Variants in RNF213 observed in about 807,000 individuals in gnomAD.
RNF213 encodes the protein ring finger protein 213, also known as E3 ubiquitin-protein ligase RNF213.
RNF213 carries 341 observed loss-of-function variants against 514.4 expected under a neutral mutation model. The ratio of observed to expected loss-of-function variants is 0.66; its 90% CI spans 0.61 to 0.73. The LOEUF is 0.73. Among genes scored for constraint, RNF213 ranks in the 30% least tolerant of loss-of-function variants. The probability of loss-of-function intolerance (pLI) is 0.00; values close to 1 mark genes in which losing one functional copy is unlikely to be tolerated. For synonymous variants in RNF213, 2,655 were observed against 2,658.2 expected (o/e 1.00, Z 0.04); for missense variants, 5,767 against 6,615.6 (o/e 0.87, Z 4.45).
chr17:80,292,052 T>G, intron 8 of RNF213: 1 of 607,130 alleles, frequency 1.6e-6, no homozygotes, highest in Non-Finnish European at 2.9e-6. Flanking sequence ...TCAGTGTGAC[T>G]TACCTACTCA....
chr17:80,378,724 C>T (rs72851478), intron 54 of RNF213, among the ~76,000 whole-genome samples: 22,610 of 152,108 alleles, frequency 0.15, 1,874 homozygotes, highest in Non-Finnish European at 0.19. Context: ...GAAATGAGGA[C>T]GCTGAAATAG....
intron 8 of RNF213, 181 bp downstream of exon 8, chr17:80,292,008 G>A: frequency 5.7e-6 from 4 of 698,652 alleles, no homozygotes; most frequent in East Asian, 2.7e-5. Flanking sequence ...TGTGTCTCTG[G>A]TTGGTTAAAG....
chr17:80,322,151 C>T (rs1455089179), intron 17 of RNF213, among the ~76,000 whole-genome samples: 1 of 49,014 alleles, frequency 2.0e-5, no homozygotes, highest in Admixed American at 1.9e-4. Flanking sequence ...CTCATCCCCC[C>T]CACCCCCCCT....
chr17:80,386,561 C>A, intron 62 of RNF213, 129 bp from the exon 63 acceptor site: 2 of 1,399,480 alleles, frequency 1.4e-6, no homozygotes, highest in Non-Finnish European at 2.0e-6. Flanking sequence ...CCACCAGTGA[C>A]CCGCCCCATA....
rs145299917 is a variant in RNF213 at position 80,300,625 on chromosome 17, C to T, written c.2210+2107C>T. On this transcript the variant is annotated intron_variant, in intron 11 of 67. Coordinates refer to ENST00000582970, the MANE Select transcript of RNF213 (RefSeq NM_001256071.3). ...CTGGATTGCAGTGGCACAATCTCAGCTCACTGTAACCTCTGCCTCCCAGGT... is the reference window on the plus strand; with the variant it reads ...CTGGATTGCAGTGGCACAATCTCAGTTCACTGTAACCTCTGCCTCCCAGGT... Among the ~76,000 whole-genome samples, 768 of 152,210 alleles carry T rather than the reference C, an allele frequency of 5.0e-3. 8 individuals carry two copies. Among genetic ancestry groups the T allele is most frequent in the African/African-American group, 0.015 (607 of 41,526 alleles).
chr17:80,295,229 C>T (rs867337728), intron 9 of RNF213, among the ~76,000 whole-genome samples: 17 of 152,238 alleles, frequency 1.1e-4, no homozygotes, highest in African/African-American at 4.1e-4. Flanking sequence ...GTCCTGAGTC[C>T]TCCCCTGGCC....
chr17:80,339,525 C>T lies in RNF213; in HGVS notation c.5158C>T (p.Pro1720Ser), dbSNP rs1164126418. ...CCTGAGCACTGAGCTCAGGAAGCAG[C>T]CCCCGAGTGATGCCGCCCTAACGAT... ...VYLSTELRKQPPSDAALTMLS... is the reference protein window; with the variant it reads ...VYLSTELRKQSPSDAALTMLS... The change falls in exon 26 of 68, where the codon CCC becomes TCC. Residue 1720 changes from proline to serine, a missense_variant. Coordinates refer to ENST00000582970, the MANE Select transcript of RNF213 (RefSeq NM_001256071.3). 6.5e-7 allele frequency: 1 copy of T among 1,537,156 alleles called. No individual in the cohort carries two copies. The highest frequency in any genetic ancestry group is 8.7e-7 in the Non-Finnish European group (1 of 1,146,852).
rs2080173198 is a variant in RNF213, at chr17:80,384,941, T to C, written c.14323-98T>C. The C allele has an allele frequency of 1.0e-5, 13 of 1,298,850 alleles. No homozygotes were observed. The South Asian group carries it at 1.4e-4, about 14-fold the overall frequency. 80.5% of individuals were successfully genotyped at this position (1,298,850 alleles called of 1,614,324 possible). ...GGAAATGACACTGACCAGATTAAGC[T>C]ACAAATACAAGTCTCGCAGCCAGTC... is the stretch of plus-strand genomic sequence containing the variant. On this transcript the variant is annotated intron_variant, in intron 59 of 67. Coordinates refer to ENST00000582970, the MANE Select transcript of RNF213 (RefSeq NM_001256071.3).
chr17:80,277,440 A>G (rs1460117865), intron 3 of RNF213, among the ~76,000 whole-genome samples: 1 of 152,038 alleles, frequency 6.6e-6, no homozygotes, highest in African/African-American at 2.4e-5. Context: ...TCTACTAAAA[A>G]TACAAAAAGT....
intron 3 of RNF213, among the ~76,000 whole-genome samples, chr17:80,274,929 T>A (rs1291392941): frequency 1.7e-5 from 1 of 57,448 alleles, no homozygotes; most frequent in Non-Finnish European, 3.2e-5. Context: ...GTGAGTGGGG[T>A]GTGTGTGTTG....
At chr17:80,376,228 G>C in intron 51 of RNF213, 73 bp from the exon 52 acceptor site, 2 of 1,528,076 alleles carry the variant, frequency 1.3e-6, no homozygotes, top group Non-Finnish European at 1.8e-6. Flanking sequence ...TGTATTTGGT[G>C]TCAGTGTATG....
At chr17:80,392,257 T>C (rs2080505219) in intron 67 of RNF213, among the ~76,000 whole-genome samples, 1 of 152,240 alleles carries the variant, frequency 6.6e-6, no homozygotes, top group Non-Finnish European at 1.5e-5. Flanking sequence ...ATTTATGTTC[T>C]TTCAACTTTT....
At position 80,298,367 on chromosome 17, in the gene RNF213, A is replaced by G; in HGVS notation, c.2059A>G (p.Arg687Gly). ...CCTGTGCCAAAGATGCATGGACACA[A>G]GGACGTACACCTGGCTGGGCGCCCT... ...VNLCQRCMDTRTYTWLGALPV... is the reference protein window; with the variant it reads ...VNLCQRCMDTGTYTWLGALPV... Residue 687 changes from arginine to glycine, a missense_variant, in exon 11 of 68, where the codon AGG becomes GGG. Physicochemically the swap from Arg to Gly is moderately radical, Grantham distance 125. Coordinates refer to ENST00000582970, the MANE Select transcript of RNF213 (RefSeq NM_001256071.3). The G allele has an allele frequency of 6.2e-7, 1 of 1,614,180 alleles. No individual in the cohort carries two copies. The highest frequency in any genetic ancestry group is 8.5e-7 in the Non-Finnish European group (1 of 1,180,038).
intron 31 of RNF213, 54 bp downstream of exon 31, chr17:80,350,450 A>C: frequency 8.7e-7 from 1 of 1,149,856 alleles, no homozygotes; most frequent in Non-Finnish European, 1.3e-6. Context: ...AAACGTAGGA[A>C]GTCCTAGAGA....
intron 2 of RNF213, among the ~76,000 whole-genome samples, chr17:80,269,503 A>G (rs551251009): frequency 8.0e-5 from 12 of 149,450 alleles, no homozygotes; most frequent in African/African-American, 3.0e-4. Context: ...CCATTCATCT[A>G]TTCTATCTAT....
intron 31 of RNF213, 31 bp from the exon 32 acceptor site, chr17:80,351,654 A>C (rs1441765278): frequency 8.5e-7 from 1 of 1,170,650 alleles, no homozygotes. Context: ...TTGTTTTTAA[A>C]ATAGGTATTC....
intron 30 of RNF213, 67 bp from the exon 31 acceptor site, chr17:80,350,234 T>G: frequency 1.0e-6 from 1 of 1,000,870 alleles, no homozygotes; most frequent in Non-Finnish European, 1.6e-6. Context: ...CCCATCACTT[T>G]GGGGAATTTT....
At chr17:80,309,501 C>G (rs912919364) in intron 14 of RNF213, among the ~76,000 whole-genome samples, 3 of 152,176 alleles carry the variant, frequency 2.0e-5, no homozygotes, top group South Asian at 2.1e-4. Context: ...GAGAAGACGA[C>G]TTTTCTTTTT....
chr17:80,299,961 T>A (rs1017391463), intron 11 of RNF213, among the ~76,000 whole-genome samples: 1 of 152,226 alleles, frequency 6.6e-6, no homozygotes, highest in African/African-American at 2.4e-5. Context: ...TCCAGTCTAC[T>A]GTTGATGGGC....
Sources: gnomAD v4.1 joint callset for allele counts (sites outside exome capture counted in the v4.1 genomes callset) on GRCh38, gnomAD v4.1.1 for gene constraint, MANE v1.5 for transcripts, NCBI Gene and HGNC (gene_info 2026-07-23, HGNC 2026-07-21) for gene names.